The following ATRNL1 variants were observed in gnomAD, a reference collection of about 807,000 sequenced individuals.
ATRNL1 encodes the protein attractin like 1.
In ATRNL1, 95 loss-of-function variants were observed where a neutral mutation model predicts 182.7. The observed-to-expected ratio is 0.52, with a 90% confidence interval of 0.44 to 0.62. ATRNL1 has a LOEUF of 0.62. Ranked by LOEUF, ATRNL1 falls within the 20% of genes least tolerant of loss-of-function variation. ATRNL1 has a pLI of 0.00. For missense variants in ATRNL1, 1,471 were observed against 1,679.5 expected, an observed-to-expected ratio of 0.88 and a Z score of 2.17; for synonymous variants, 576 against 568.3, an observed-to-expected ratio of 1.01 and a Z score of -0.19.
chr10:115,805,549 T>C (rs1022938259), intron 27 of ATRNL1, among the ~76,000 whole-genome samples: 2 of 151,972 alleles, frequency 1.3e-5, no homozygotes, highest in Admixed American at 6.6e-5. Context: ...CATCACCTAC[T>C]TGACTCTGTT....
chr10:115,772,496 G>A (rs1333291147), intron 27 of ATRNL1, among the ~76,000 whole-genome samples: 1 of 151,792 alleles, frequency 6.6e-6, no homozygotes, highest in African/African-American at 2.4e-5. Flanking sequence ...AGCAAATGCA[G>A]TAAATGCTAG....
intron 27 of ATRNL1, among the ~76,000 whole-genome samples, chr10:115,775,461 TG>T (rs1415668528): frequency 9.2e-5 from 14 of 152,208 alleles, no homozygotes; most frequent in Admixed American, 5.9e-4. Flanking sequence ...GAATTGAATC[TG>T]TATAAGATTT....
rs562612427 is a variant in ATRNL1, at chr10:115,357,955, C to G, written c.3175+23536C>G. Among the ~76,000 whole-genome samples, 28 of 151,694 alleles carry G rather than the reference C, an allele frequency of 1.8e-4. 1 individual carries two copies. Among genetic ancestry groups the G allele is most frequent in the Admixed American group, 5.3e-4 (8 of 15,216 alleles). On this transcript the variant is annotated intron_variant, in intron 19 of 28. Transcript: ENST00000355044. Reference sequence around the variant, plus strand: ...ACTCTTTTAGGCTCAATTTCAAAAGCATCTTCTTATTCCATCTTTTCCCTC... The same window carrying G: ...ACTCTTTTAGGCTCAATTTCAAAAGGATCTTCTTATTCCATCTTTTCCCTC...
intron 20 of ATRNL1, among the ~76,000 whole-genome samples, chr10:115,398,047 T>C (rs1333501351): frequency 1.3e-5 from 2 of 151,988 alleles, no homozygotes; most frequent in African/African-American, 4.8e-5. Context: ...GTCAATAGTG[T>C]GAAGCTCCTG....
At position 115,821,501 on chromosome 10, in the gene ATRNL1, TAA is replaced by T. The variant is rs539790807; in HGVS notation, c.3904-26374_3904-26373del. On this transcript the variant is annotated intron_variant, in intron 27 of 28. Transcript: ENST00000355044. ...AAAAGACACAGACTGGCAAGATGGATAAAGAGTCAAGACCCATTGGTATGCTG... is the reference window on the plus strand; with the variant it reads ...AAAAGACACAGACTGGCAAGATGGATAGAGTCAAGACCCATTGGTATGCTG... 3.7e-3 allele frequency among the ~76,000 whole-genome samples: 565 copies of T among 152,250 alleles called. 7 individuals are homozygous for T. The highest frequency in any genetic ancestry group is 0.013 in the African/African-American group (544 of 41,550).
intron 5 of ATRNL1, among the ~76,000 whole-genome samples, chr10:115,136,171 T>G (rs959564377): frequency 3.3e-5 from 5 of 152,158 alleles, no homozygotes; most frequent in African/African-American, 1.2e-4. Flanking sequence ...GTATAATATT[T>G]AATTTTGTCA....
At chr10:115,676,915 A>G (rs1555043232) in intron 26 of ATRNL1, among the ~76,000 whole-genome samples, 1 of 152,048 alleles carries the variant, frequency 6.6e-6, no homozygotes, top group African/African-American at 2.4e-5. Context: ...TTTCTGCTAC[A>G]CCCATGACCA....
intron 4 of ATRNL1, among the ~76,000 whole-genome samples, chr10:115,128,135 G>A: frequency 6.6e-6 from 1 of 152,264 alleles, no homozygotes; most frequent in South Asian, 2.1e-4. Flanking sequence ...TGTACTGAAA[G>A]CTATGCATAC....
intron 9 of ATRNL1, among the ~76,000 whole-genome samples, chr10:115,223,405 A>G (rs1849547854): frequency 1.3e-5 from 2 of 152,220 alleles, no homozygotes; most frequent in African/African-American, 4.8e-5. Flanking sequence ...GATAAACCTT[A>G]AATAAAAATA....
At chr10:115,246,340 A>G (rs1361230640) in intron 10 of ATRNL1, among the ~76,000 whole-genome samples, 1 of 152,190 alleles carries the variant, frequency 6.6e-6, no homozygotes, top group Non-Finnish European at 1.5e-5. Context: ...CTGGTTTAAC[A>G]GGAAAAAAAA....
chr10:115,621,313 AGTGT>A lies in ATRNL1; in HGVS notation c.3795+71781_3795+71784del, dbSNP rs782025858. Among the ~76,000 whole-genome samples the A allele has an allele frequency of 1.9e-3, 137 of 74,046 alleles. 1 individual carries two copies. Among genetic ancestry groups the A allele is most frequent in the African/African-American group, 3.8e-3 (91 of 23,674 alleles). The allele number at this position is 74,046 out of a possible 152,430, so 48.6% of individuals were successfully genotyped here. On this transcript the variant is annotated intron_variant, in intron 26 of 28. Coordinates refer to ENST00000355044, the MANE Select transcript of ATRNL1 (RefSeq NM_207303.4). The stretch of plus-strand genomic sequence containing the variant: ...GAGAGAGAGAGAGAGAGAGAGAGAG[AGTGT>A]GTGAGTGAGTCAGCATCTTACTTGT...
intron 26 of ATRNL1, among the ~76,000 whole-genome samples, chr10:115,614,293 G>A (rs1000132481): frequency 1.3e-4 from 19 of 151,836 alleles, no homozygotes; most frequent in African/African-American, 4.6e-4. Context: ...TCTTTCTGGA[G>A]CATGTTGCTT....
chr10:115,859,174 T>C (rs1951253794), intron 28 of ATRNL1, among the ~76,000 whole-genome samples: 1 of 151,996 alleles, frequency 6.6e-6, no homozygotes, highest in South Asian at 2.1e-4. Context: ...CAAATACCAT[T>C]ATATTAGGGA....
rs1396440794 is a variant in ATRNL1 at position 115,911,621 on chromosome 10, A to G, written c.4019-33037A>G. 2.0e-5 allele frequency among the ~76,000 whole-genome samples: 3 copies of G among 152,154 alleles called. 1 individual carries two copies. Among genetic ancestry groups the G allele is most frequent in the Non-Finnish European group, 4.4e-5 (3 of 68,028 alleles). On this transcript the variant is annotated intron_variant, in intron 28 of 28. Transcript: ENST00000355044. ...GAGCCACCGTGCCTGGCTAAAACCC[A>G]TTTTATAGATCATGAAATTGAGGCC... is the stretch of plus-strand genomic sequence containing the variant.
At chr10:115,294,312 C>T (rs1196481189) in intron 15 of ATRNL1, among the ~76,000 whole-genome samples, 1 of 152,260 alleles carries the variant, frequency 6.6e-6, no homozygotes, top group East Asian at 1.9e-4. Context: ...ATAGCAAGAT[C>T]CCATCTCTGT....
intron 26 of ATRNL1, among the ~76,000 whole-genome samples, chr10:115,565,159 A>T (rs185841529): frequency 8.2e-4 from 124 of 152,128 alleles, no homozygotes; most frequent in Non-Finnish European, 8.8e-5. Flanking sequence ...ACTACAGTGG[A>T]GTACCTCTCA....
chr10:115,192,675 T>C (rs1202426746), intron 8 of ATRNL1, among the ~76,000 whole-genome samples: 16 of 152,124 alleles, frequency 1.1e-4, no homozygotes, highest in Admixed American at 1.0e-3. Flanking sequence ...ATAGAACCTT[T>C]GGGTAGTTTG....
At chr10:115,095,627 G>A (rs1387306930) in intron 1 of ATRNL1, among the ~76,000 whole-genome samples, 7 of 152,048 alleles carry the variant, frequency 4.6e-5, no homozygotes, top group African/African-American at 7.2e-5. Flanking sequence ...AAAATTAGGA[G>A]AGATGCTGAT....
intron 26 of ATRNL1, among the ~76,000 whole-genome samples, chr10:115,623,036 G>A (rs1478410441): frequency 2.0e-5 from 3 of 152,054 alleles, no homozygotes; most frequent in African/African-American, 7.3e-5. Flanking sequence ...TTATCTAACA[G>A]CATAGCGTCA....
Sources: allele counts gnomAD v4.1 joint callset (sites outside exome capture counted in the v4.1 genomes callset), GRCh38; gene constraint gnomAD v4.1.1; transcripts MANE v1.5; gene names NCBI Gene and HGNC (gene_info 2026-07-23, HGNC 2026-07-21).